The following SYTL3 variants were observed in gnomAD, a reference collection of about 807,000 sequenced individuals.
The protein encoded by SYTL3 is synaptotagmin like 3, also known as synaptotagmin-like protein 3.
Under a neutral mutation model 82.1 loss-of-function variants are expected in SYTL3, and 88 were observed. The ratio of observed to expected loss-of-function variants is 1.07; its 90% CI spans 0.90 to 1.28. The LOEUF (loss-of-function observed/expected upper bound fraction) is 1.28. Ranked by LOEUF, SYTL3 falls within the 50% of genes most tolerant of loss-of-function variation. SYTL3 has a pLI of 0.00. For missense variants in SYTL3, 831 were observed against 757.6 expected, an observed-to-expected ratio of 1.10 and a Z score of -1.14; for synonymous variants, 311 against 289.4, an observed-to-expected ratio of 1.07 and a Z score of -0.76.
At chr6:158,663,657 T>C (rs1008843497) in intron 4 of SYTL3, 1 of 960,974 alleles carries the variant, frequency 1.0e-6, no homozygotes, top group Middle Eastern at 5.4e-4. Context: ...TGCTTGTCTG[T>C]TTGCCGACTT....
At chr6:158,764,129 C>G (rs562338165) in intron 17 of SYTL3, among the ~76,000 whole-genome samples, 1 of 152,344 alleles carries the variant, frequency 6.6e-6, no homozygotes, top group South Asian at 2.1e-4. Flanking sequence ...TCTAAGAATC[C>G]CTTCCCATGG....
intron 6 of SYTL3, among the ~76,000 whole-genome samples, chr6:158,690,660 C>T (rs140584741): frequency 7.9e-5 from 12 of 151,936 alleles, no homozygotes; most frequent in East Asian, 3.9e-4. Flanking sequence ...TTTTGTAGAG[C>T]GATAGTACAA....
intron 12 of SYTL3, among the ~76,000 whole-genome samples, chr6:158,746,453 A>ATCTTATTATTATTATTATTAT (rs1554263746): frequency 1.0e-5 from 1 of 99,494 alleles, no homozygotes; most frequent in Non-Finnish European, 2.5e-5. Context: ...AATAATAATA[A>ATCTTATTATTATTATTATTAT]TAATAATATT....
chr6:158,747,523 G>T (rs553929618), intron 12 of SYTL3, among the ~76,000 whole-genome samples: 217 of 151,998 alleles, frequency 1.4e-3, no homozygotes, highest in African/African-American at 5.0e-3. Flanking sequence ...GAGTGCAATG[G>T]CACGATCACA....
intron 2 of SYTL3, among the ~76,000 whole-genome samples, chr6:158,656,765 G>T (rs1788730207): frequency 6.6e-6 from 1 of 151,882 alleles, no homozygotes; most frequent in South Asian, 2.1e-4. Context: ...TTACTCTATT[G>T]TTGTAGAAGG....
At chr6:158,670,678 G>A (rs1483328419) in intron 5 of SYTL3, among the ~76,000 whole-genome samples, 3 of 152,118 alleles carry the variant, frequency 2.0e-5, no homozygotes, top group South Asian at 2.1e-4. Flanking sequence ...AGCTACTTGG[G>A]AGGCTGAGGT....
intron 6 of SYTL3, among the ~76,000 whole-genome samples, chr6:158,684,656 G>A (rs1193686827): frequency 6.6e-6 from 1 of 152,112 alleles, no homozygotes; most frequent in Non-Finnish European, 1.5e-5. Context: ...TTGCAGGTAG[G>A]GAAATAAGCC....
intron 12 of SYTL3, among the ~76,000 whole-genome samples, chr6:158,750,275 T>C (rs1788230842): frequency 6.6e-6 from 1 of 152,108 alleles, no homozygotes; most frequent in Non-Finnish European, 1.5e-5. Flanking sequence ...AAATATAAAA[T>C]CCAACGTGGT....
chr6:158,753,840 T>C (rs1229505262), intron 13 of SYTL3, among the ~76,000 whole-genome samples: 1 of 151,582 alleles, frequency 6.6e-6, no homozygotes, highest in Admixed American at 6.6e-5. Flanking sequence ...ATGGGTCTTA[T>C]CTAGTATATT....
At chr6:158,754,065 A>G (rs572712183) in intron 13 of SYTL3, among the ~76,000 whole-genome samples, 2 of 152,302 alleles carry the variant, frequency 1.3e-5, no homozygotes, top group South Asian at 4.1e-4. Flanking sequence ...ACCTTTGTGC[A>G]GCACCCAGGC....
chr6:158,669,901 A>G (rs548466404), intron 5 of SYTL3, among the ~76,000 whole-genome samples: 2 of 152,364 alleles, frequency 1.3e-5, no homozygotes, highest in East Asian at 3.8e-4. Flanking sequence ...CAGGAGTTTG[A>G]GGCCAGCCTG....
chr6:158,727,822 T>A (rs1243937082), intron 11 of SYTL3, among the ~76,000 whole-genome samples: 4 of 151,908 alleles, frequency 2.6e-5, no homozygotes, highest in African/African-American at 4.8e-5. Context: ...TAGCTGGGAT[T>A]ACAGGCATGA....
chr6:158,744,304 C>CTTTTTTTTTTTTTTTTTTTTTTTTTT (rs869182913), intron 11 of SYTL3, among the ~76,000 whole-genome samples: 3 of 99,208 alleles, frequency 3.0e-5, no homozygotes, highest in Non-Finnish European at 3.8e-5. Flanking sequence ...CTTTTTCTTT[C>CTTTTTTTTTTTTTTTTTTTTTTTTTT]TTTTTTTTTT....
intron 4 of SYTL3, among the ~76,000 whole-genome samples, chr6:158,664,503 A>G (rs924461164): frequency 1.3e-5 from 2 of 152,220 alleles, no homozygotes; most frequent in Non-Finnish European, 2.9e-5. Context: ...AGATCGCGCC[A>G]CTGCACTCCA....
intron 14 of SYTL3, 74 bp from the exon 15 acceptor site, chr6:158,760,566 A>G (rs1383209605): frequency 3.7e-6 from 5 of 1,335,884 alleles, no homozygotes; most frequent in Middle Eastern, 1.8e-4. Flanking sequence ...GACGAAGCTG[A>G]GACAACCAGA....
chr6:158,753,905 T>G (rs1193914156), intron 13 of SYTL3, among the ~76,000 whole-genome samples: 7 of 151,622 alleles, frequency 4.6e-5, no homozygotes, highest in East Asian at 1.9e-4. Context: ...ATAATCGGCA[T>G]CTCTAATTGA....
chr6:158,703,818 T>TTAG (rs1781608172), intron 6 of SYTL3, among the ~76,000 whole-genome samples: 1 of 90,096 alleles, frequency 1.1e-5, no homozygotes, highest in Non-Finnish European at 2.4e-5. Flanking sequence ...TTTTATATTA[T>TTAG]TATCATTATT....
chr6:158,753,821 T>A (rs1262932808), intron 13 of SYTL3, among the ~76,000 whole-genome samples: 1 of 151,598 alleles, frequency 6.6e-6, no homozygotes, highest in Non-Finnish European at 1.5e-5. Flanking sequence ...TCACTTAAAA[T>A]TTTTATCCAT....
intron 13 of SYTL3, among the ~76,000 whole-genome samples, chr6:158,756,719 ATT>A (rs758259824): frequency 3.9e-4 from 19 of 48,572 alleles, no homozygotes; most frequent in Non-Finnish European, 5.1e-4. Flanking sequence ...TCAAAAAAAA[ATT>A]TTTTTTTTTT....
Sources: gnomAD v4.1 joint callset for allele counts (sites outside exome capture counted in the v4.1 genomes callset) on GRCh38, gnomAD v4.1.1 for gene constraint, MANE v1.5 for transcripts, NCBI Gene and HGNC (gene_info 2026-07-23, HGNC 2026-07-21) for gene names.